PTPN9: variants seen among roughly 807,000 people sequenced by gnomAD.
The protein encoded by PTPN9 is tyrosine-protein phosphatase non-receptor type 9.
Under a neutral mutation model 69.8 loss-of-function variants are expected in PTPN9, and 26 were observed. The observed-to-expected ratio is 0.37, with a 90% CI of 0.27 to 0.52. The LOEUF is 0.52. PTPN9 is among the 20% of genes least tolerant of loss of function. The probability of loss-of-function intolerance (pLI) is 0.91; values close to 1 mark genes in which losing one functional copy is unlikely to be tolerated. For synonymous variants in PTPN9, 274 were observed against 272.5 expected (o/e 1.01, Z -0.05); for missense variants, 549 against 740.3 (o/e 0.74, Z 3.00).
chr15:75,529,520 G>A (rs1368603297), intron 1 of PTPN9, among the ~76,000 whole-genome samples: 5 of 152,050 alleles, frequency 3.3e-5, no homozygotes, highest in East Asian at 3.8e-4. Context: ...AAGGTATAAC[G>A]AATAAAAAAA....
chr15:75,504,000 G>T (rs1335262874), intron 7 of PTPN9, among the ~76,000 whole-genome samples: 191 of 104,148 alleles, frequency 1.8e-3, no homozygotes, highest in Middle Eastern at 8.6e-3. Context: ...CCCCTCTGCC[G>T]GGCCAGCCGC....
intron 1 of PTPN9, among the ~76,000 whole-genome samples, chr15:75,578,378 CG>C (rs2141349263): frequency 6.6e-6 from 1 of 152,304 alleles, no homozygotes; most frequent in African/African-American, 2.4e-5. Context: ...GTGGAAGGGC[CG>C]GGGGCAAGCA....
At chr15:75,571,850 CCTGGTGACA>C (rs1410539015) in intron 1 of PTPN9, among the ~76,000 whole-genome samples, 2 of 151,870 alleles carry the variant, frequency 1.3e-5, no homozygotes, top group Admixed American at 1.3e-4. Flanking sequence ...TGTGCTCCAG[CCTGGTGACA>C]GAGCAAGACT....
At chr15:75,504,842 G>A (rs2074808212) in intron 7 of PTPN9, among the ~76,000 whole-genome samples, 1 of 127,530 alleles carries the variant, frequency 7.8e-6, no homozygotes, top group Non-Finnish European at 1.6e-5. Flanking sequence ...CGTCCGGGAG[G>A]GAGGTGGGGG....
intron 1 of PTPN9, among the ~76,000 whole-genome samples, chr15:75,531,621 C>T (rs985259727): frequency 1.2e-4 from 18 of 150,862 alleles, no homozygotes; most frequent in Admixed American, 9.3e-4. Flanking sequence ...CTCGCTCTGT[C>T]GCCCAGGCTG....
intron 1 of PTPN9, among the ~76,000 whole-genome samples, chr15:75,558,155 CTG>C (rs1160049051): frequency 2.0e-5 from 3 of 152,200 alleles, no homozygotes; most frequent in Admixed American, 1.3e-4. Context: ...TGGTAAAACA[CTG>C]TCTCTACTAA....
intron 1 of PTPN9, among the ~76,000 whole-genome samples, chr15:75,558,811 G>A (rs926180818): frequency 1.3e-5 from 2 of 152,192 alleles, no homozygotes; most frequent in African/African-American, 2.4e-5. Flanking sequence ...GATTGCAGAC[G>A]GAGTCTCGTT....
At chr15:75,545,426 TAAAAC>T (rs1333319046) in intron 1 of PTPN9, among the ~76,000 whole-genome samples, 2 of 150,704 alleles carry the variant, frequency 1.3e-5, no homozygotes, top group East Asian at 3.9e-4. Context: ...TAAAATAAAG[TAAAAC>T]AAAACAAAAC....
chr15:75,520,478 ATAGATG>A (rs1190283334), intron 4 of PTPN9, among the ~76,000 whole-genome samples: 22 of 90,920 alleles, frequency 2.4e-4, no homozygotes, highest in African/African-American at 8.6e-4. Context: ...AGATAGATAG[ATAGATG>A]TGTGTGTGTT....
rs1463239533 is a variant in PTPN9 at position 75,469,994 on chromosome 15, C to T, written c.1365G>A (p.Arg455=). 2.5e-6 allele frequency: 4 copies of T among 1,610,292 alleles called. No individual in the cohort carries two copies. The South Asian group carries it at 4.4e-5, about 18-fold the overall frequency. The change falls in exon 12 of 13, where the codon CGG becomes CGA. Residue 455 remains arginine, a synonymous_variant. Coordinates refer to ENST00000618819, the MANE Select transcript of PTPN9 (RefSeq NM_002833.4). The part of the protein sequence containing the change: ...TTLEIHNTEE[R]QKRQVTHFQF... ...GGAAGTGGGTCACCTGGCGTTTCTG[C>T]CGTTCCTTAGATAAGAAAAGAAGTA...
At chr15:75,539,466 C>T (rs756651477) in intron 1 of PTPN9, among the ~76,000 whole-genome samples, 1 of 147,268 alleles carries the variant, frequency 6.8e-6, no homozygotes, top group African/African-American at 2.5e-5. Flanking sequence ...GGCGTACCTG[C>T]CTACTTTTTG....
At chr15:75,503,842 CGGGA>C (rs2074793114) in intron 7 of PTPN9, among the ~76,000 whole-genome samples, 2 of 127,902 alleles carry the variant, frequency 1.6e-5, no homozygotes, top group African/African-American at 5.9e-5. Flanking sequence ...CCGCCCCGTC[CGGGA>C]GGGAGGTGAG....
intron 1 of PTPN9, among the ~76,000 whole-genome samples, chr15:75,530,609 ACT>A (rs1342883550): frequency 0.029 from 2,056 of 72,012 alleles, 526 homozygotes; most frequent in African/African-American, 0.12. Flanking sequence ...ATTATAATAT[ACT>A]ATAATATATA....
At chr15:75,510,486 C>G (rs1020160152) in intron 5 of PTPN9, among the ~76,000 whole-genome samples, 1 of 152,196 alleles carries the variant, frequency 6.6e-6, no homozygotes, top group Non-Finnish European at 1.5e-5. Context: ...ATCCTCCTAC[C>G]TTGGCATCCC....
chr15:75,523,526 T>G (rs2141320420), intron 3 of PTPN9, among the ~76,000 whole-genome samples: 1 of 152,202 alleles, frequency 6.6e-6, no homozygotes, highest in Non-Finnish European at 1.5e-5. Flanking sequence ...TGCACTGGCT[T>G]CCTAGCTAAC....
chr15:75,524,777 C>CAAAAAAAAA (rs10699634), intron 2 of PTPN9, among the ~76,000 whole-genome samples: 6 of 72,928 alleles, frequency 8.2e-5, no homozygotes, highest in Non-Finnish European at 8.9e-5. Context: ...GACTCTGTCT[C>CAAAAAAAAA]AAAAAAAAAA....
chr15:75,472,621 A>G (rs987150792), intron 10 of PTPN9, among the ~76,000 whole-genome samples: 5 of 151,912 alleles, frequency 3.3e-5, no homozygotes, highest in Admixed American at 3.3e-4. Flanking sequence ...GTAAAACCCC[A>G]TCTCTACTAA....
At chr15:75,574,679 G>T (rs970700365) in intron 1 of PTPN9, among the ~76,000 whole-genome samples, 1 of 151,920 alleles carries the variant, frequency 6.6e-6, no homozygotes, top group African/African-American at 2.4e-5. Context: ...GGTGGCTCAC[G>T]CCTGTAATCC....
intron 7 of PTPN9, among the ~76,000 whole-genome samples, chr15:75,495,927 C>T (rs2074738368): frequency 6.6e-6 from 1 of 151,796 alleles, no homozygotes; most frequent in Non-Finnish European, 1.5e-5. Context: ...TGCCTGAGCT[C>T]AGGAGTTTGG....
Sources: gnomAD v4.1 joint callset for allele counts (sites outside exome capture counted in the v4.1 genomes callset) on GRCh38, gnomAD v4.1.1 for gene constraint, MANE v1.5 for transcripts, NCBI Gene and HGNC (gene_info 2026-07-23, HGNC 2026-07-21) for gene names.